CYP27C1: variants seen among roughly 807,000 people sequenced by gnomAD.
CYP27C1 encodes the protein cytochrome P450 family 27 subfamily C member 1.
Under a neutral mutation model 40.6 loss-of-function variants are expected in CYP27C1, and 29 were observed. That is an observed-to-expected ratio of 0.71 (90% CI 0.53 to 0.97). CYP27C1 has a LOEUF of 0.97. Among genes scored for constraint, CYP27C1 ranks in the 50% least tolerant of loss-of-function variants. The probability of loss-of-function intolerance (pLI) is 0.00; values close to 1 mark genes in which losing one functional copy is unlikely to be tolerated. For missense variants in CYP27C1, 390 were observed against 485.8 expected, an observed-to-expected ratio of 0.80 and a Z score of 1.85; for synonymous variants, 198 against 186.8, an observed-to-expected ratio of 1.06 and a Z score of -0.49.
intron 3 of CYP27C1, among the ~76,000 whole-genome samples, chr2:127,203,061 G>A (rs551537717): frequency 5.7e-4 from 86 of 152,110 alleles, no homozygotes; most frequent in African/African-American, 2.0e-3. Context: ...CCAGCTACTC[G>A]GGAGGCTGAG....
At position 127,195,369 on chromosome 2, in the gene CYP27C1, G is replaced by A; in HGVS notation, c.1180C>T (p.Pro394Ser). 6.2e-7 allele frequency: 1 copy of A among 1,614,144 alleles called. No homozygotes were observed. The highest frequency in any genetic ancestry group is 8.5e-7 in the Non-Finnish European group (1 of 1,180,028). Residue 394 changes from proline (P) to serine (S), a missense_variant, in exon 6 of 9, where the codon CCG (proline) becomes TCG (serine). Physicochemically the swap from Pro to Ser is moderately conservative, Grantham distance 74. Transcript: ENST00000664447. The surrounding 1 kb of genome is among the most constrained non-coding windows in gnomAD (Gnocchi z 6.2). ...VPTAADVPKV[P>S]LVRALLKETL... ...TCCTTAAGGAGAGCTCTGACCAGCGGGACCTTGGGGACATCAGCTGCAGTT... is the reference window on the plus strand; with the variant it reads ...TCCTTAAGGAGAGCTCTGACCAGCGAGACCTTGGGGACATCAGCTGCAGTT...
chr2:127,187,723 A>T (rs373668170), intron 8 of CYP27C1, among the ~76,000 whole-genome samples: 1 of 152,196 alleles, frequency 6.6e-6, no homozygotes, highest in South Asian at 2.1e-4. Flanking sequence ...GGTCTAGATG[A>T]AGAAGGCATC....
chr2:127,197,271 C>T (rs899426090), intron 5 of CYP27C1, among the ~76,000 whole-genome samples: 8 of 152,176 alleles, frequency 5.3e-5, no homozygotes, highest in African/African-American at 1.7e-4. Context: ...AGTTCATATA[C>T]TTTTTGTTTT....
chr2:127,191,222 C>T (rs1228869471), intron 8 of CYP27C1, among the ~76,000 whole-genome samples: 1 of 151,890 alleles, frequency 6.6e-6, no homozygotes, highest in Non-Finnish European at 1.5e-5. Context: ...TCTAGCCTGG[C>T]GACAGAGCAA....
intron 8 of CYP27C1, among the ~76,000 whole-genome samples, chr2:127,189,548 C>T (rs1334407682): frequency 6.6e-6 from 1 of 151,448 alleles, no homozygotes; most frequent in Non-Finnish European, 1.5e-5. Context: ...TGCAGCAAAC[C>T]ACCATGGCAC....
chr2:127,199,482 C>T lies in CYP27C1; in HGVS notation c.941G>A (p.Arg314Gln), dbSNP rs773726442. ...TGTGAGAAGTCCCCCGCTCACCCTC[C>T]GGCCTCGGTCCATTTGGTACTGTAT... is the stretch of plus-strand genomic sequence containing the variant. ...RDIQYQMDRG[R>Q]RVSGGLLTYL... Residue 314 changes from arginine (R) to glutamine (Q), a missense_variant, in exon 5 of 9, where the codon CGG becomes CAG. By Grantham distance (43) the Arg-to-Gln change is conservative (BLOSUM62 1). Transcript: ENST00000664447. The T allele has an allele frequency of 6.8e-5, 110 of 1,614,090 alleles. No individual in the cohort carries two copies. The highest frequency in any genetic ancestry group is 4.6e-4 in the South Asian group (42 of 91,086).
At position 127,206,749 on chromosome 2, in the gene CYP27C1, C is replaced by T. The variant is rs555912566; in HGVS notation, c.283-659G>A. Among the ~76,000 whole-genome samples, 849 of 152,282 alleles carry T rather than the reference C, an allele frequency of 5.6e-3. 12 individuals carry two copies. Among genetic ancestry groups the T allele is most frequent in the African/African-American group, 0.019 (789 of 41,536 alleles). The stretch of plus-strand genomic sequence containing the variant: ...CATGGGCCCAACAGCTCTACCCAAG[C>T]AGTACCAAGCCAACTCTGCAGAGCA... On this transcript the variant is annotated intron_variant, in intron 1 of 8. Transcript: ENST00000664447.
At chr2:127,190,452 C>T (rs1363994506) in intron 8 of CYP27C1, among the ~76,000 whole-genome samples, 1 of 148,392 alleles carries the variant, frequency 6.7e-6, no homozygotes, top group African/African-American at 2.5e-5. Flanking sequence ...AAGCAATTCT[C>T]CTGCCTCAGC....
In CYP27C1 at chr2:127,212,999, C is replaced by T. The variant is rs185618399; in HGVS notation, c.283-6909G>A. Among the ~76,000 whole-genome samples, 357 of 152,226 alleles carry T rather than the reference C, an allele frequency of 2.3e-3. 1 individual carries two copies. Among genetic ancestry groups the T allele is most frequent in the Middle Eastern group, 0.014 (4 of 294 alleles). ...GGATATAAAATCAATGTGCAAAAAT[C>T]GCAAGCATTCCTTTACACCAACAAT... On this transcript the variant is annotated intron_variant, in intron 1 of 8. Transcript: ENST00000664447.
At position 127,219,769 on chromosome 2, in the gene CYP27C1, C is replaced by G. The variant is rs1334645570; in HGVS notation, c.282+220G>C. Among the ~76,000 whole-genome samples, 2 of 151,472 alleles carry G rather than the reference C, an allele frequency of 1.3e-5. No homozygotes were observed. Among genetic ancestry groups the G allele is most frequent in the Non-Finnish European group, 3.0e-5 (2 of 67,764 alleles). ...CCTCCTCCACCCCGGATCGCCTTTCCGGCGTCCTCTCCCCAGCGCCCCTTC... is the reference window on the plus strand; with the variant it reads ...CCTCCTCCACCCCGGATCGCCTTTCGGGCGTCCTCTCCCCAGCGCCCCTTC... On this transcript the variant is annotated intron_variant, in intron 1 of 8. Transcript: ENST00000664447. The surrounding 1 kb of genome is among the most constrained non-coding windows in gnomAD (Gnocchi z 8.7).
intron 1 of CYP27C1, among the ~76,000 whole-genome samples, chr2:127,206,475 A>T (rs1481505050): frequency 6.6e-6 from 1 of 151,994 alleles, no homozygotes; most frequent in Non-Finnish European, 1.5e-5. Context: ...CTCCCAGCTA[A>T]TTTTTTATTT....
intron 2 of CYP27C1, among the ~76,000 whole-genome samples, chr2:127,204,601 GA>G (rs1491157392): frequency 9.9e-6 from 1 of 100,900 alleles, no homozygotes. Flanking sequence ...AAGAAAGAAA[GA>G]AAGAAAGAAA....
chr2:127,195,291 C>A lies in CYP27C1; in HGVS notation c.1214+44G>T. Reference sequence around the variant, plus strand: ...ACTTGTTGTGATAGAGAACCAGGGACCTAAGGGACACAGTTTGTTGACGGA... The same window carrying A: ...ACTTGTTGTGATAGAGAACCAGGGAACTAAGGGACACAGTTTGTTGACGGA... On this transcript the variant is annotated intron_variant, in intron 6 of 8. Coordinates refer to ENST00000664447, the MANE Select transcript of CYP27C1 (RefSeq NM_001367502.1). The surrounding 1 kb of genome is among the most constrained non-coding windows in gnomAD (Gnocchi z 6.2). The A allele has an allele frequency of 6.2e-7, 1 of 1,612,330 alleles. No individual in the cohort carries two copies. Among genetic ancestry groups the A allele is most frequent in the South Asian group, 1.1e-5 (1 of 90,816 alleles).
chr2:127,193,928 G>A (rs183767148), intron 6 of CYP27C1, 61 bp from the exon 7 acceptor site: 25 of 1,559,824 alleles, frequency 1.6e-5, no homozygotes, highest in South Asian at 4.5e-5. Flanking sequence ...TTTATTGAAC[G>A]TTCAGAACCC....
intron 1 of CYP27C1, among the ~76,000 whole-genome samples, chr2:127,213,379 CA>C (rs1683369451): frequency 6.6e-6 from 1 of 151,514 alleles, no homozygotes; most frequent in Non-Finnish European, 1.5e-5. Flanking sequence ...GCAAAAAGAA[CA>C]AAGCTGGAAG....
At chr2:127,194,907 CTT>C (rs1026191722) in intron 6 of CYP27C1, among the ~76,000 whole-genome samples, 27 of 148,768 alleles carry the variant, frequency 1.8e-4, no homozygotes, top group Non-Finnish European at 3.2e-4. Context: ...CTGGTGCAAT[CTT>C]GGCTCCATCA....
In CYP27C1 at chr2:127,220,266, G is replaced by A. The variant is rs1262094893; in HGVS notation, c.5C>T (p.Ala2Val). 6.6e-6 allele frequency among the ~76,000 whole-genome samples: 1 copy of A among 151,894 alleles called. No individual in the cohort carries two copies. Among genetic ancestry groups the A allele is most frequent in the Admixed American group, 6.5e-5 (1 of 15,268 alleles). M[A>V]LLARILRAGL... The stretch of plus-strand genomic sequence containing the variant: ...GGCTCTCAGGATCCGCGCCAGCAGG[G>A]CCATGGCGCTCGTCTGCATCGGCTT... Residue 2 changes from alanine (A) to valine (V), a missense_variant, in exon 1 of 9, where the codon GCC becomes GTC. Transcript: ENST00000664447. This position sits in a 1 kb window ranked among gnomAD's most constrained non-coding sequence, Gnocchi z 4.6.
At chr2:127,216,283 A>G (rs1472221992) in intron 1 of CYP27C1, among the ~76,000 whole-genome samples, 1 of 152,254 alleles carries the variant, frequency 6.6e-6, no homozygotes. Flanking sequence ...AAAGGTGGAA[A>G]CAATCCAAAT....
intron 7 of CYP27C1, 99 bp from the exon 8 acceptor site, chr2:127,193,396 C>T: frequency 6.8e-7 from 1 of 1,473,122 alleles, no homozygotes; most frequent in Non-Finnish European, 9.3e-7. Flanking sequence ...CCGGGGTGCT[C>T]CCGCCTGGGG....
Sources: gnomAD v4.1 joint callset for allele counts (sites outside exome capture counted in the v4.1 genomes callset) on GRCh38, gnomAD v4.1.1 for gene constraint, Gnocchi (gnomAD v3.1) non-coding constraint, MANE v1.5 for transcripts, NCBI Gene and HGNC (gene_info 2026-07-23, HGNC 2026-07-21) for gene names.